The following RGS7 variants were observed in gnomAD, a reference collection of about 807,000 sequenced individuals.
RGS7 encodes regulator of G-protein signaling 7.
A neutral mutation model predicts 81.1 loss-of-function variants in RGS7; 27 were observed. That is an observed-to-expected ratio of 0.33 (90% confidence interval 0.25 to 0.46). RGS7 has a LOEUF of 0.46. RGS7 is among the 20% of genes least tolerant of loss of function. The pLI, the probability that RGS7 is intolerant of heterozygous loss-of-function variation, is 1.00. For missense variants in RGS7, 396 were observed against 607.4 expected (o/e 0.65, Z 3.66); for synonymous variants, 208 against 207.7 (o/e 1.00, Z -0.01).
intron 15 of RGS7, 62 bp from the exon 16 acceptor site, chr1:240,803,055 G>T: frequency 1.8e-6 from 2 of 1,129,468 alleles, no homozygotes; most frequent in South Asian, 1.2e-5. Flanking sequence ...AAAATATCAT[G>T]ATGTCACACA....
At chr1:240,932,887 T>C (rs893853013) in intron 5 of RGS7, among the ~76,000 whole-genome samples, 11 of 115,922 alleles carry the variant, frequency 9.5e-5, no homozygotes, top group African/African-American at 3.5e-4. Context: ...TTTTTTTTTT[T>C]TTTTTTTTTT....
At chr1:241,341,870 C>CTTTTT (rs35903618) in intron 2 of RGS7, among the ~76,000 whole-genome samples, 26 of 89,522 alleles carry the variant, frequency 2.9e-4, no homozygotes, top group African/African-American at 3.6e-4. Context: ...CTCTTCAACT[C>CTTTTT]TTTTTTTTTT....
At chr1:240,827,464 C>T (rs1050487062) in intron 9 of RGS7, among the ~76,000 whole-genome samples, 4 of 152,170 alleles carry the variant, frequency 2.6e-5, no homozygotes, top group Admixed American at 6.5e-5. Flanking sequence ...GGTGTCAATA[C>T]GTATAGCGAC....
chr1:241,199,231 C>T (rs946508997), intron 2 of RGS7, among the ~76,000 whole-genome samples: 12 of 151,920 alleles, frequency 7.9e-5, no homozygotes, highest in Admixed American at 4.6e-4. Flanking sequence ...CCGAGGCGGG[C>T]GGATCATGAA....
At chr1:241,023,245 T>G (rs1207234716) in intron 3 of RGS7, among the ~76,000 whole-genome samples, 1 of 152,196 alleles carries the variant, frequency 6.6e-6, no homozygotes, top group African/African-American at 2.4e-5. Flanking sequence ...TTAGTTCAGC[T>G]TCTTCTGGAC....
intron 9 of RGS7, among the ~76,000 whole-genome samples, chr1:240,857,843 G>A (rs1303070973): frequency 6.6e-6 from 1 of 151,998 alleles, no homozygotes; most frequent in Admixed American, 6.6e-5. Context: ...TGAATCATGG[G>A]GGTGGTTACC....
intron 2 of RGS7, among the ~76,000 whole-genome samples, chr1:241,121,853 G>A (rs2066285395): frequency 6.6e-6 from 1 of 150,754 alleles, no homozygotes; most frequent in African/African-American, 2.4e-5. Flanking sequence ...GACCTCAGGT[G>A]CGTGATACCA....
At chr1:241,252,012 A>G (rs1351525975) in intron 2 of RGS7, among the ~76,000 whole-genome samples, 1 of 151,564 alleles carries the variant, frequency 6.6e-6, no homozygotes, top group Admixed American at 6.6e-5. Context: ...AGAGGCCAAG[A>G]AGAGGCCAGC....
chr1:241,094,190 G>C (rs2064085062), intron 3 of RGS7, among the ~76,000 whole-genome samples: 1 of 151,500 alleles, frequency 6.6e-6, no homozygotes. Flanking sequence ...CTGCACAGGG[G>C]CATTACCCAG....
chr1:240,874,158 A>G (rs1322287446), intron 6 of RGS7, among the ~76,000 whole-genome samples: 1 of 152,238 alleles, frequency 6.6e-6, no homozygotes, highest in African/African-American at 2.4e-5. Flanking sequence ...ACATCAAATC[A>G]GTTGGCACTT....
intron 6 of RGS7, among the ~76,000 whole-genome samples, chr1:240,912,147 T>A (rs1401128651): frequency 4.7e-5 from 3 of 63,706 alleles, no homozygotes; most frequent in Non-Finnish European, 8.5e-5. Context: ...CGAGATTCTG[T>A]CTCAAAAAAA....
intron 3 of RGS7, among the ~76,000 whole-genome samples, chr1:241,005,891 T>G (rs1214731818): frequency 6.6e-6 from 1 of 152,222 alleles, no homozygotes; most frequent in African/African-American, 2.4e-5. Context: ...TGTCATTACC[T>G]GTATTCGTGT....
At chr1:241,039,926 C>G (rs2060523448) in intron 3 of RGS7, among the ~76,000 whole-genome samples, 1 of 152,180 alleles carries the variant, frequency 6.6e-6, no homozygotes. Flanking sequence ...GATTCAGGGA[C>G]TTTGCTGTTA....
chr1:240,801,131 T>C (rs1052417087), intron 17 of RGS7, among the ~76,000 whole-genome samples: 1 of 152,114 alleles, frequency 6.6e-6, no homozygotes, highest in Non-Finnish European at 1.5e-5. Context: ...ACATGCACTA[T>C]CTTTAATAAA....
At chr1:241,185,468 C>T (rs1299413852) in intron 2 of RGS7, among the ~76,000 whole-genome samples, 2 of 152,088 alleles carry the variant, frequency 1.3e-5, no homozygotes, top group Non-Finnish European at 2.9e-5. Context: ...ATATAGAAGA[C>T]ATGAACAACA....
chr1:241,103,389 C>T (rs61832554), intron 2 of RGS7, among the ~76,000 whole-genome samples: 1 of 152,064 alleles, frequency 6.6e-6, no homozygotes, highest in African/African-American at 2.4e-5. Flanking sequence ...CCTTGGGTCA[C>T]CGAGGATTTT....
chr1:240,908,210 A>AG (rs879465322), intron 6 of RGS7, among the ~76,000 whole-genome samples: 11 of 62,648 alleles, frequency 1.8e-4, no homozygotes, highest in Non-Finnish European at 3.4e-4. Context: ...GGGTGGGGGG[A>AG]GGGGGGAGGG....
At position 240,962,211 on chromosome 1, in the gene RGS7, C is replaced by T. The variant is rs983968720; in HGVS notation, c.226+20868G>A. On this transcript the variant is annotated intron_variant, in intron 4 of 18. Coordinates refer to ENST00000440928, the MANE Select transcript of RGS7 (RefSeq NM_001364886.1). The stretch of plus-strand genomic sequence containing the variant: ...AGAAAAGTTCTACCACTTCCCCACT[C>T]TCTCCCAGTCTTCTCTGCTTAAGCT... 5.9e-5 allele frequency among the ~76,000 whole-genome samples: 9 copies of T among 152,166 alleles called. No homozygotes were observed. In the South Asian group the frequency reaches 1.0e-3, roughly 18 times the overall value.
At chr1:241,147,684 A>T (rs969728261) in intron 2 of RGS7, among the ~76,000 whole-genome samples, 2 of 150,252 alleles carry the variant, frequency 1.3e-5, no homozygotes, top group Non-Finnish European at 3.0e-5. Flanking sequence ...AGTAAAGCAC[A>T]TCTTTAAATC....
Sources: allele counts gnomAD v4.1 joint callset (sites outside exome capture counted in the v4.1 genomes callset), GRCh38; gene constraint gnomAD v4.1.1; transcripts MANE v1.5; gene names NCBI Gene and HGNC (gene_info 2026-07-23, HGNC 2026-07-21).